Variants in EED observed in about 807,000 individuals in gnomAD.
The protein encoded by EED is polycomb protein EED.
A neutral mutation model predicts 61.0 loss-of-function variants in EED; 9 were observed. That is an observed-to-expected ratio of 0.15 (90% CI 0.09 to 0.26). The LOEUF (loss-of-function observed/expected upper bound fraction) is 0.26. Ranked by LOEUF, EED falls within the 10% of genes least tolerant of loss-of-function variation. EED has a pLI of 1.00. For synonymous variants in EED, 187 were observed against 174.4 expected (o/e 1.07, Z -0.57); for missense variants, 315 against 542.3 (o/e 0.58, Z 4.16).
intron 1 of EED, among the ~76,000 whole-genome samples, chr11:86,249,632 G>A (rs1292693028): frequency 6.6e-6 from 1 of 152,012 alleles, no homozygotes; most frequent in Non-Finnish European, 1.5e-5. Flanking sequence ...CTTTAATTGT[G>A]ATTGAGAGTC....
At chr11:86,266,532 C>T (rs1297677110) in intron 8 of EED, among the ~76,000 whole-genome samples, 2 of 152,042 alleles carry the variant, frequency 1.3e-5, no homozygotes, top group Admixed American at 1.3e-4. Context: ...ATCACTTAAG[C>T]TTATTATGGA....
intron 9 of EED, among the ~76,000 whole-genome samples, chr11:86,270,434 T>G (rs1946088566): frequency 6.6e-6 from 1 of 152,006 alleles, no homozygotes; most frequent in African/African-American, 2.4e-5. Flanking sequence ...GATACATAGT[T>G]TGCAAATATT....
chr11:86,269,252 G>A (rs1946055186), intron 9 of EED, among the ~76,000 whole-genome samples: 1 of 152,094 alleles, frequency 6.6e-6, no homozygotes, highest in African/African-American at 2.4e-5. Flanking sequence ...CTTCAAAATT[G>A]CAGCTGTTTT....
At position 86,276,990 on chromosome 11, in the gene EED, A is replaced by C. The variant is rs1343385276; in HGVS notation, c.977A>C (p.Asn326Thr). 1 of 1,512,790 alleles carries C rather than the reference A, an allele frequency of 6.6e-7. No homozygotes were observed. 93.7% of individuals were successfully genotyped at this position (1,512,790 alleles called of 1,614,324 possible). Residue 326 changes from asparagine (N) to threonine (T), a missense_variant, in exon 10 of 12, where the codon AAT becomes ACT. Transcript: ENST00000263360. ...CTCTCTCTGTTTTAGTCTTGTGAAAATGCCATTGTGTGCTGGAAACCTGGC... is the reference window on the plus strand; with the variant it reads ...CTCTCTCTGTTTTAGTCTTGTGAAACTGCCATTGTGTGCTGGAAACCTGGC... ...GDLILSKSCE[N>T]AIVCWKPGKM...
At chr11:86,278,036 C>G in intron 11 of EED, 45 bp downstream of exon 11, 3 of 1,479,416 alleles carry the variant, frequency 2.0e-6, no homozygotes, top group South Asian at 1.5e-5. Context: ...GCTTTTTCTC[C>G]ACACTTGTAT....
At position 86,257,460 on chromosome 11, in the gene EED, A is replaced by T. The variant is rs1197887348; in HGVS notation, c.553-55A>T. On this transcript the variant is annotated intron_variant, in intron 5 of 11. Transcript: ENST00000263360. ...TTTACATTCTCTAAAGATTTATGAA[A>T]AAAAATTTACTGATTTTGAGATAGG... 6 of 1,446,520 alleles carry T rather than the reference A, an allele frequency of 4.1e-6. No individual in the cohort carries two copies. The Admixed American group carries it at 1.2e-4, about 30-fold the overall frequency. The allele number at this position is 1,446,520 out of a possible 1,614,324, so 89.6% of individuals were successfully genotyped here.
chr11:86,272,542 C>G (rs891245149), intron 9 of EED, among the ~76,000 whole-genome samples: 6 of 152,196 alleles, frequency 3.9e-5, no homozygotes, highest in African/African-American at 7.2e-5. Context: ...TCGAATTCTT[C>G]TATATCCTTG....
At chr11:86,257,194 TG>T (rs1593735684) in intron 5 of EED, among the ~76,000 whole-genome samples, 1 of 142,992 alleles carries the variant, frequency 7.0e-6, no homozygotes. Context: ...TTTGTGTGTG[TG>T]TGTGTGTGTG....
chr11:86,259,820 G>A (rs969098783), intron 6 of EED, among the ~76,000 whole-genome samples: 3 of 152,100 alleles, frequency 2.0e-5, no homozygotes, highest in African/African-American at 7.2e-5. Flanking sequence ...ACCTACTTAG[G>A]GTGGCTGTAA....
chr11:86,265,135 T>G (rs1945942589), intron 7 of EED: 2 of 152,212 alleles, frequency 1.3e-5, no homozygotes, highest in Admixed American at 1.3e-4. Flanking sequence ...TTAGTGGTAT[T>G]GTCTCGAAGG....
chr11:86,249,229 A>T (rs1331941060), intron 1 of EED, among the ~76,000 whole-genome samples: 1 of 152,226 alleles, frequency 6.6e-6, no homozygotes, highest in Admixed American at 6.5e-5. Context: ...ATTACAATTC[A>T]AATATTTGTT....
At chr11:86,245,459 G>T in intron 1 of EED, 116 bp downstream of exon 1, 1 of 844,414 alleles carries the variant, frequency 1.2e-6, no homozygotes. Flanking sequence ...TGTCACTCAG[G>T]AAAACGCGGG....
Position 86,250,194 on chromosome 11 carries a change from A to G in EED, c.115-102A>G, listed in dbSNP as rs1055854347. 1.6e-5 allele frequency: 18 copies of G among 1,114,826 alleles called. No individual in the cohort carries two copies. The African/African-American group carries it at 2.6e-4, about 16-fold the overall frequency. 69.1% of individuals were successfully genotyped at this position (1,114,826 alleles called of 1,614,324 possible). ...GAATACATTTTTTTCTTCTTGTAGA[A>G]ATTATTTCTCTTAGGTCAGTCAGCA... On this transcript the variant is annotated intron_variant, in intron 1 of 11. Coordinates refer to ENST00000263360, the MANE Select transcript of EED (RefSeq NM_003797.5).
At chr11:86,270,609 A>G (rs368108964) in intron 9 of EED, among the ~76,000 whole-genome samples, 9 of 152,152 alleles carry the variant, frequency 5.9e-5, no homozygotes, top group East Asian at 1.9e-4. Flanking sequence ...TATAGACCTT[A>G]AAGATTTTCT....
intron 3 of EED, among the ~76,000 whole-genome samples, chr11:86,254,042 C>CT (rs1317161556): frequency 4.8e-5 from 3 of 62,598 alleles, no homozygotes; most frequent in African/African-American, 1.7e-4. Flanking sequence ...GAGTGAAACT[C>CT]TGTCTCAAAA....
At position 86,278,779 on chromosome 11, in the gene EED, T is replaced by A; in HGVS notation, c.*254T>A. The A allele has an allele frequency of 3.0e-6, 1 of 332,850 alleles. No individual in the cohort carries two copies. 20.6% of individuals were successfully genotyped at this position (332,850 alleles called of 1,614,324 possible). The stretch of plus-strand genomic sequence containing the variant: ...TACTTTCATTGTGGTGAAAAAAAGT[T>A]AAAAGTAATAAAATTATGCCTTATC... On this transcript the variant is annotated 3_prime_UTR_variant, in exon 12 of 12. Coordinates refer to ENST00000263360, the MANE Select transcript of EED (RefSeq NM_003797.5).
Position 86,245,118 on chromosome 11 carries a change from A to C in EED, c.-112A>C. 2.9e-6 allele frequency: 2 copies of C among 683,288 alleles called. No individual in the cohort carries two copies. The highest frequency in any genetic ancestry group is 4.8e-6 in the Non-Finnish European group (2 of 417,154). 42.3% of individuals were successfully genotyped at this position (683,288 alleles called of 1,614,324 possible). ...TTTGCGACAGTGGGGGGGGCGGTGG[A>C]GGTGGCGGCGGCAGCGGCAACTTTG... On this transcript the variant is annotated 5_prime_UTR_variant, in exon 1 of 12. Transcript: ENST00000263360.
chr11:86,270,583 G>T (rs150575024), intron 9 of EED, among the ~76,000 whole-genome samples: 18 of 152,124 alleles, frequency 1.2e-4, no homozygotes, highest in African/African-American at 3.9e-4. Flanking sequence ...TTTTGCCTGA[G>T]AACTCCTTAC....
intron 7 of EED, chr11:86,265,068 C>T (rs943493029): frequency 2.0e-5 from 3 of 152,168 alleles, no homozygotes; most frequent in Non-Finnish European, 4.4e-5. Context: ...TAGCATTCTA[C>T]GTCTGGCTTT....
Sources: gnomAD v4.1 joint callset for allele counts (sites outside exome capture counted in the v4.1 genomes callset) on GRCh38, gnomAD v4.1.1 for gene constraint, MANE v1.5 for transcripts, NCBI Gene and HGNC (gene_info 2026-07-23, HGNC 2026-07-21) for gene names.